SLC6A6: variants seen among roughly 807,000 people sequenced by gnomAD.
SLC6A6 encodes solute carrier family 6 member 6, also known as sodium- and chloride-dependent taurine transporter.
A neutral mutation model predicts 68.8 loss-of-function variants in SLC6A6; 16 were observed. The observed-to-expected ratio is 0.23, with a 90% CI of 0.16 to 0.35. SLC6A6 has a LOEUF of 0.35. Among genes scored for constraint, SLC6A6 ranks in the 10% least tolerant of loss-of-function variants. The probability of loss-of-function intolerance (pLI) is 1.00; values close to 1 mark genes in which losing one functional copy is unlikely to be tolerated. For missense variants in SLC6A6, 474 were observed against 802.8 expected, an observed-to-expected ratio of 0.59 and a Z score of 4.95; for synonymous variants, 312 against 315.4, an observed-to-expected ratio of 0.99 and a Z score of 0.12.
At chr3:14,458,597 C>A (rs1338821412) in intron 6 of SLC6A6, among the ~76,000 whole-genome samples, 2 of 152,216 alleles carry the variant, frequency 1.3e-5, no homozygotes, top group African/African-American at 4.8e-5. Flanking sequence ...CTGCCCCAAA[C>A]CTACAAACTC....
chr3:14,443,761 A>G lies in SLC6A6; in HGVS notation c.127A>G (p.Lys43Glu). ...EAEGKPPQRE[K>E]WSSKIDFVLS... is the part of the protein sequence containing the mutation. ...TGAGGGAAAACCTCCGCAGAGGGAG[A>G]AGTGGTCTAGCAAGATCGACTTTGT... The change falls in exon 3 of 15, where the codon AAG (lysine) becomes GAG (glutamate). Residue 43 changes from lysine to glutamate, a missense_variant. Coordinates refer to ENST00000622186, the MANE Select transcript of SLC6A6 (RefSeq NM_003043.6). 2 of 1,614,052 alleles carry G rather than the reference A, an allele frequency of 1.2e-6. No homozygotes were observed. Among genetic ancestry groups the G allele is most frequent in the Non-Finnish European group, 8.5e-7 (1 of 1,179,980 alleles).
chr3:14,419,963 A>C (rs1369426359), intron 2 of SLC6A6, among the ~76,000 whole-genome samples: 3 of 152,122 alleles, frequency 2.0e-5, no homozygotes, highest in Non-Finnish European at 4.4e-5. Flanking sequence ...CATGCCCCGC[A>C]CCCATTGTAA....
chr3:14,428,100 C>T (rs1296994363), intron 2 of SLC6A6, among the ~76,000 whole-genome samples: 1 of 152,216 alleles, frequency 6.6e-6, no homozygotes. Context: ...AGGGGACCCA[C>T]ATTGCTCAGC....
intron 2 of SLC6A6, among the ~76,000 whole-genome samples, chr3:14,424,914 GTTT>G (rs1699559409): frequency 6.6e-6 from 1 of 152,182 alleles, no homozygotes; most frequent in Non-Finnish European, 1.5e-5. Flanking sequence ...GAAGCCGCCT[GTTT>G]GACACACAAC....
At chr3:14,409,907 G>A (rs537242875) in intron 1 of SLC6A6, among the ~76,000 whole-genome samples, 2 of 152,184 alleles carry the variant, frequency 1.3e-5, no homozygotes, top group Non-Finnish European at 2.9e-5. Context: ...GCCATTGTTG[G>A]CCAGGCACAC....
intron 6 of SLC6A6, among the ~76,000 whole-genome samples, chr3:14,459,519 T>G (rs116598100): frequency 7.3e-4 from 111 of 152,184 alleles, no homozygotes; most frequent in African/African-American, 2.6e-3. Flanking sequence ...CCTGCCATCC[T>G]GAAGCCAAGG....
chr3:14,436,357 C>T (rs1699851066), intron 2 of SLC6A6, among the ~76,000 whole-genome samples: 1 of 151,948 alleles, frequency 6.6e-6, no homozygotes, highest in African/African-American at 2.4e-5. Context: ...CACGTGACCA[C>T]ACCTGGCTAA....
chr3:14,446,690 A>G (rs568833060), intron 4 of SLC6A6, among the ~76,000 whole-genome samples: 4 of 152,352 alleles, frequency 2.6e-5, no homozygotes, highest in African/African-American at 4.8e-5. Context: ...AGGTCACTTT[A>G]TACTTCAATT....
chr3:14,406,663 T>C (rs1699116641), intron 1 of SLC6A6, among the ~76,000 whole-genome samples: 1 of 152,024 alleles, frequency 6.6e-6, no homozygotes, highest in African/African-American at 2.4e-5. Flanking sequence ...GTCTGCGGAG[T>C]TTCCTTTCCT....
chr3:14,429,014 C>T (rs1699663275), intron 2 of SLC6A6, among the ~76,000 whole-genome samples: 1 of 152,164 alleles, frequency 6.6e-6, no homozygotes, highest in African/African-American at 2.4e-5. Context: ...AGAGACAAGG[C>T]CAGGCTTCTT....
intron 2 of SLC6A6, among the ~76,000 whole-genome samples, chr3:14,438,795 T>C (rs1017457035): frequency 4.6e-5 from 7 of 152,242 alleles, no homozygotes; most frequent in Non-Finnish European, 1.0e-4. Context: ...TGAGTGGTTA[T>C]GCCATTGACA....
At position 14,487,626 on chromosome 3, in the gene SLC6A6, T is replaced by G. The variant is rs1366462352; in HGVS notation, c.*2619T>G. 6.6e-6 allele frequency: 1 copy of G among 151,910 alleles called. No homozygotes were observed. Among genetic ancestry groups the G allele is most frequent in the African/African-American group, 2.4e-5 (1 of 41,310 alleles). The allele number at this position is 151,910 out of a possible 1,614,324, so 9.4% of individuals were successfully genotyped here. ...AAATCAATTTTTTAAGATGAAGAAG[T>G]GGGAGACACTGCGTTGAGATGGGCC... On this transcript the variant is annotated 3_prime_UTR_variant, in exon 15 of 15. Coordinates refer to ENST00000622186, the MANE Select transcript of SLC6A6 (RefSeq NM_003043.6).
intron 1 of SLC6A6, among the ~76,000 whole-genome samples, chr3:14,409,432 T>C (rs373055569): frequency 2.0e-5 from 3 of 152,350 alleles, no homozygotes; most frequent in African/African-American, 7.2e-5. Context: ...CCCCTTCCTG[T>C]CTCAGAGATG....
chr3:14,471,472 C>T (rs1242872576), intron 9 of SLC6A6, among the ~76,000 whole-genome samples: 1 of 152,194 alleles, frequency 6.6e-6, no homozygotes, highest in African/African-American at 2.4e-5. Flanking sequence ...CTGCCCCTCA[C>T]TTTTCAGGTG....
chr3:14,444,952 C>G (rs1297141265), intron 3 of SLC6A6: 2 of 427,012 alleles, frequency 4.7e-6, no homozygotes, highest in Non-Finnish European at 9.5e-6. Flanking sequence ...CTGCCCCTTA[C>G]CACCTCACCC....
chr3:14,424,341 T>C (rs1211950911), intron 2 of SLC6A6, among the ~76,000 whole-genome samples: 2 of 150,432 alleles, frequency 1.3e-5, no homozygotes, highest in Non-Finnish European at 2.9e-5. Context: ...TGAAGGTGCT[T>C]TGGGCACGCA....
chr3:14,414,209 C>T (rs1448746751), intron 1 of SLC6A6, among the ~76,000 whole-genome samples: 1 of 152,170 alleles, frequency 6.6e-6, no homozygotes, highest in Non-Finnish European at 1.5e-5. Context: ...GTAGTGCCGC[C>T]CCCTGCCCCA....
At chr3:14,447,262 ATCC>A (rs1700146063) in intron 4 of SLC6A6, among the ~76,000 whole-genome samples, 2 of 151,800 alleles carry the variant, frequency 1.3e-5, no homozygotes, top group African/African-American at 4.8e-5. Context: ...CCATCCATCC[ATCC>A]AAACATCCAA....
chr3:14,478,364 C>A, intron 11 of SLC6A6, 102 bp from the exon 12 acceptor site: 1 of 719,106 alleles, frequency 1.4e-6, no homozygotes, highest in South Asian at 1.6e-5. Context: ...CCATTTTTCT[C>A]TTGGGTTTTT....
Sources: gnomAD v4.1 joint callset for allele counts (sites outside exome capture counted in the v4.1 genomes callset) on GRCh38, gnomAD v4.1.1 for gene constraint, MANE v1.5 for transcripts, NCBI Gene and HGNC (gene_info 2026-07-23, HGNC 2026-07-21) for gene names.